The following CUX2 variants were observed in gnomAD, a reference collection of about 807,000 sequenced individuals.
CUX2 encodes the protein homeobox protein cut-like 2.
Under a neutral mutation model 144.8 loss-of-function variants are expected in CUX2, and 40 were observed. The ratio of observed to expected loss-of-function variants is 0.28; its 90% confidence interval spans 0.21 to 0.36. The LOEUF (loss-of-function observed/expected upper bound fraction) is 0.36. CUX2 is among the 10% of genes least tolerant of loss of function. The pLI is 1.00. For missense variants in CUX2, 1,615 were observed against 1,994.0 expected (o/e 0.81, Z 3.62); for synonymous variants, 827 against 875.6 (o/e 0.94, Z 0.98).
At chr12:111,223,446 T>C (rs1036305272) in intron 3 of CUX2, among the ~76,000 whole-genome samples, 9 of 152,168 alleles carry the variant, frequency 5.9e-5, no homozygotes, top group African/African-American at 2.2e-4. Flanking sequence ...TGCCAAGAGA[T>C]GGAGTCTGTG....
At position 111,111,379 on chromosome 12, in the gene CUX2, G is replaced by A. The variant is rs571721778; in HGVS notation, c.63+77139G>A. Among the ~76,000 whole-genome samples, 10 of 151,898 alleles carry A rather than the reference G, an allele frequency of 6.6e-5. No individual in the cohort carries two copies. In the East Asian group the frequency reaches 7.8e-4, roughly 12 times the overall value. On this transcript the variant is annotated intron_variant, in intron 1 of 21. Transcript: ENST00000261726. Reference sequence around the variant, plus strand: ...CATCTCTTTCCCAACCCTATCCAGCGCTAATGATCTACTGGGAGTCATTTA... The same window carrying A: ...CATCTCTTTCCCAACCCTATCCAGCACTAATGATCTACTGGGAGTCATTTA...
chr12:111,191,159 T>C (rs529802489), intron 1 of CUX2, among the ~76,000 whole-genome samples: 9 of 152,162 alleles, frequency 5.9e-5, no homozygotes, highest in African/African-American at 2.2e-4. Flanking sequence ...AGTTTTCCCA[T>C]GTATAAAATG....
chr12:111,048,460 CTTGG>C (rs1870104088), intron 1 of CUX2, among the ~76,000 whole-genome samples: 1 of 152,184 alleles, frequency 6.6e-6, no homozygotes, highest in Non-Finnish European at 1.5e-5. Flanking sequence ...GCTGTGCTTC[CTTGG>C]TAAGCGTATG....
rs1877701333 is a variant in CUX2, at chr12:111,160,672, A to G, written c.64-53528A>G. Among the ~76,000 whole-genome samples the G allele has an allele frequency of 6.6e-6, 1 of 152,196 alleles. No homozygotes were observed. Among genetic ancestry groups the G allele is most frequent in the Admixed American group, 6.5e-5 (1 of 15,278 alleles). On this transcript the variant is annotated intron_variant, in intron 1 of 21. Coordinates refer to ENST00000261726, the MANE Select transcript of CUX2 (RefSeq NM_015267.4). The surrounding 1 kb of genome is among the most constrained non-coding windows in gnomAD (Gnocchi z 4.1). ...GGAGGGCTATGCAGAGGAGTGACGC[A>G]GTCCAGTGGCATTTTCAGGGGATTC...
Position 111,322,630 on chromosome 12 carries a change from G to T in CUX2, c.2926+50G>T. On this transcript the variant is annotated intron_variant, in intron 18 of 21. Transcript: ENST00000261726. This position sits in a 1 kb window ranked among gnomAD's most constrained non-coding sequence, Gnocchi z 4.2. Reference sequence around the variant, plus strand: ...GGGGGTGCTGGCAAACTTCCCACCTGCGCAGTGGCATGTCCGCCTGGCTTT... The same window carrying T: ...GGGGGTGCTGGCAAACTTCCCACCTTCGCAGTGGCATGTCCGCCTGGCTTT... 2 of 1,584,630 alleles carry T rather than the reference G, an allele frequency of 1.3e-6. No individual in the cohort carries two copies. The highest frequency in any genetic ancestry group is 1.8e-5 in the Admixed American group (1 of 56,960).
chr12:111,291,314 G>T, intron 4 of CUX2, 104 bp from the exon 5 acceptor site: 3 of 1,386,362 alleles, frequency 2.2e-6, no homozygotes, highest in African/African-American at 2.9e-5. Flanking sequence ...AGCCAGCGGG[G>T]TGACTCCGAT....
intron 1 of CUX2, among the ~76,000 whole-genome samples, chr12:111,205,602 T>C (rs1354603334): frequency 6.6e-6 from 1 of 152,168 alleles, no homozygotes; most frequent in Non-Finnish European, 1.5e-5. Flanking sequence ...TTGGTGGTTG[T>C]CAACACTCTG....
intron 3 of CUX2, among the ~76,000 whole-genome samples, chr12:111,251,119 TA>T (rs887277481): frequency 3.3e-5 from 5 of 152,126 alleles, no homozygotes; most frequent in Admixed American, 2.6e-4. Flanking sequence ...GATTTACTGC[TA>T]AAAAAAGCCC....
At chr12:111,067,927 G>A (rs1871089277) in intron 1 of CUX2, among the ~76,000 whole-genome samples, 1 of 152,134 alleles carries the variant, frequency 6.6e-6, no homozygotes, top group Non-Finnish European at 1.5e-5. Context: ...AAGGTCCCGC[G>A]CAGAGCTTCA....
rs978921494 is a variant in CUX2, at chr12:111,034,629, G to C, written c.63+389G>C. On this transcript the variant is annotated intron_variant, in intron 1 of 21. Transcript: ENST00000261726. The surrounding 1 kb of genome is among the most constrained non-coding windows in gnomAD (Gnocchi z 4.2). ...TTTGCGCGCCTCCCAACTTCGCGGC[G>C]CCCGGGGAGGCCGCGGAGCGCGCCG... Among the ~76,000 whole-genome samples, 2 of 151,338 alleles carry C rather than the reference G, an allele frequency of 1.3e-5. No homozygotes were observed. The highest frequency in any genetic ancestry group is 3.0e-5 in the Non-Finnish European group (2 of 67,760).
At chr12:111,183,296 G>T (rs1449079814) in intron 1 of CUX2, among the ~76,000 whole-genome samples, 2 of 152,262 alleles carry the variant, frequency 1.3e-5, no homozygotes, top group African/African-American at 4.8e-5. Context: ...CCTCAGGCAG[G>T]CCTGGCATTT....
rs187693295 is a variant in CUX2, at chr12:111,320,619, C to G, written c.2610C>G (p.Ala870=). The G allele has an allele frequency of 6.3e-7, 1 of 1,582,762 alleles. No individual in the cohort carries two copies. The highest frequency in any genetic ancestry group is 2.3e-5 in the East Asian group (1 of 43,304). The change falls in exon 17 of 22, where the codon GCC becomes GCG. Residue 870 remains alanine, a synonymous_variant. Coordinates refer to ENST00000261726, the MANE Select transcript of CUX2 (RefSeq NM_015267.4). The surrounding 1 kb of genome is among the most constrained non-coding windows in gnomAD (Gnocchi z 8.1). ...GCGCGCGGCTGCCCTACTACCCGGC[C>G]TACGTGCCGCGCACCCTGAAGCCCA... ...EAGARLPYYP[A]YVPRTLKPTV...
intron 1 of CUX2, among the ~76,000 whole-genome samples, chr12:111,047,710 A>G (rs1264351111): frequency 6.6e-6 from 1 of 152,224 alleles, no homozygotes. Context: ...TCCATCAAAT[A>G]GCAGGTATTT....
At chr12:111,116,225 G>A (rs527383662) in intron 1 of CUX2, among the ~76,000 whole-genome samples, 5 of 152,358 alleles carry the variant, frequency 3.3e-5, no homozygotes, top group Non-Finnish European at 7.3e-5. Flanking sequence ...CTGGGGGAAC[G>A]AAAGATGTTG....
chr12:111,086,665 C>T (rs1217822754), intron 1 of CUX2, among the ~76,000 whole-genome samples: 2 of 152,168 alleles, frequency 1.3e-5, no homozygotes, highest in Admixed American at 6.5e-5. Flanking sequence ...AGCCATATGC[C>T]CTTTGGCCAC....
chr12:111,224,715 G>A (rs1485542550), intron 3 of CUX2, among the ~76,000 whole-genome samples: 3 of 151,910 alleles, frequency 2.0e-5, no homozygotes, highest in African/African-American at 7.3e-5. Context: ...GGGAGGGCAG[G>A]GAGCAGGGGA....
intron 1 of CUX2, among the ~76,000 whole-genome samples, chr12:111,204,951 G>A (rs1453369805): frequency 6.6e-6 from 1 of 152,148 alleles, no homozygotes; most frequent in African/African-American, 2.4e-5. Context: ...GATAGAACGC[G>A]GGGAAGCCAG....
At chr12:111,267,195 CAAAAAAA>C (rs11290695) in intron 4 of CUX2, among the ~76,000 whole-genome samples, 10 of 66,350 alleles carry the variant, frequency 1.5e-4, no homozygotes, top group Non-Finnish European at 1.9e-4. Flanking sequence ...AAGACCCTGT[CAAAAAAA>C]AAAAAAAAAA....
chr12:111,245,022 G>T (rs972866454), intron 3 of CUX2, among the ~76,000 whole-genome samples: 3 of 152,256 alleles, frequency 2.0e-5, no homozygotes, highest in Non-Finnish European at 2.9e-5. Context: ...TTGTCTTTGA[G>T]AAACAGAATG....
Sources: gnomAD v4.1 joint callset for allele counts (sites outside exome capture counted in the v4.1 genomes callset) on GRCh38, gnomAD v4.1.1 for gene constraint, Gnocchi (gnomAD v3.1) non-coding constraint, MANE v1.5 for transcripts, NCBI Gene and HGNC (gene_info 2026-07-23, HGNC 2026-07-21) for gene names.